The following CADM1 variants were observed in gnomAD, a reference collection of about 807,000 sequenced individuals.
CADM1 encodes cell adhesion molecule 1.
Under a neutral mutation model 53.1 loss-of-function variants are expected in CADM1, and 15 were observed. The ratio of observed to expected loss-of-function variants is 0.28; its 90% CI spans 0.19 to 0.44. The LOEUF (loss-of-function observed/expected upper bound fraction) is 0.44, where lower values mean the gene tolerates loss of function less well. Among genes scored for constraint, CADM1 ranks in the 20% least tolerant of loss-of-function variants. The probability of loss-of-function intolerance (pLI) is 1.00; values close to 1 mark genes in which losing one functional copy is unlikely to be tolerated. For synonymous variants in CADM1, 281 were observed against 243.0 expected (o/e 1.16, Z -1.45); for missense variants, 434 against 611.3 (o/e 0.71, Z 3.06).
chr11:115,279,996 C>G (rs1943545342), intron 1 of CADM1, among the ~76,000 whole-genome samples: 1 of 152,192 alleles, frequency 6.6e-6, no homozygotes, highest in Non-Finnish European at 1.5e-5. Flanking sequence ...CATCAAAGGA[C>G]AGCAGACTTG....
chr11:115,259,290 CTTTTTTTTTTTTTTTTTT>C (rs71066411), intron 1 of CADM1, among the ~76,000 whole-genome samples: 3 of 55,056 alleles, frequency 5.4e-5, no homozygotes, highest in Non-Finnish European at 9.6e-5. Context: ...CCAGTCTTAA[CTTTTTTTTTTTTTTTTTT>C]TTTTTTTTTT....
At chr11:115,276,426 C>A (rs1024550390) in intron 1 of CADM1, among the ~76,000 whole-genome samples, 8 of 152,148 alleles carry the variant, frequency 5.3e-5, no homozygotes, top group African/African-American at 1.9e-4. Context: ...GCATGCCACT[C>A]ACAAATCTCT....
chr11:115,454,090 G>A (rs1054858546), intron 1 of CADM1, among the ~76,000 whole-genome samples: 1 of 151,496 alleles, frequency 6.6e-6, no homozygotes, highest in African/African-American at 2.4e-5. Flanking sequence ...ACAAAGCCTT[G>A]CCTCTTCATG....
chr11:115,331,157 T>TA (rs1219784152), intron 1 of CADM1, among the ~76,000 whole-genome samples: 1 of 152,094 alleles, frequency 6.6e-6, no homozygotes, highest in African/African-American at 2.4e-5. Flanking sequence ...GGGGATTTGG[T>TA]TTTTTTGAGA....
intron 8 of CADM1, among the ~76,000 whole-genome samples, chr11:115,199,117 A>AAC (rs1940300496): frequency 6.6e-6 from 1 of 152,038 alleles, no homozygotes; most frequent in South Asian, 2.1e-4. Flanking sequence ...CACACACACA[A>AAC]ACACACACAT....
At chr11:115,400,657 GTGTGTATATATATATATATATATATATA>G (rs71066422) in intron 1 of CADM1, among the ~76,000 whole-genome samples, 2,240 of 82,268 alleles carry the variant, frequency 0.027, 37 homozygotes, top group Non-Finnish European at 0.034. Context: ...GTGTGTGTGT[GTGTGTATATATATATATATATATATATA>G]TATATATATA....
chr11:115,402,073 A>G (rs192420310), intron 1 of CADM1, among the ~76,000 whole-genome samples: 5 of 151,172 alleles, frequency 3.3e-5, no homozygotes, highest in Admixed American at 2.6e-4. Flanking sequence ...CAGAAATAAT[A>G]AAAAATAACT....
intron 1 of CADM1, among the ~76,000 whole-genome samples, chr11:115,265,622 A>G (rs1464104992): frequency 6.6e-6 from 1 of 152,224 alleles, no homozygotes; most frequent in Non-Finnish European, 1.5e-5. Flanking sequence ...TGTTGTAAAC[A>G]CAAACACTAC....
At chr11:115,344,625 C>T (rs1945530308) in intron 1 of CADM1, among the ~76,000 whole-genome samples, 1 of 152,104 alleles carries the variant, frequency 6.6e-6, no homozygotes. Context: ...GGAGCCACTG[C>T]CATTGACTGG....
At chr11:115,200,682 A>T (rs1940383348) in intron 8 of CADM1, among the ~76,000 whole-genome samples, 1 of 152,148 alleles carries the variant, frequency 6.6e-6, no homozygotes, top group Non-Finnish European at 1.5e-5. Context: ...TTTAGTGGAG[A>T]CGGGGCTTCC....
At chr11:115,423,911 C>T (rs2135276755) in intron 1 of CADM1, among the ~76,000 whole-genome samples, 1 of 152,316 alleles carries the variant, frequency 6.6e-6, no homozygotes, top group African/African-American at 2.4e-5. Context: ...TGCAAATCTT[C>T]AGGTTGCCAC....
At chr11:115,185,800 A>G (rs992615174) in intron 10 of CADM1, among the ~76,000 whole-genome samples, 7 of 152,222 alleles carry the variant, frequency 4.6e-5, no homozygotes, top group Non-Finnish European at 8.8e-5. Context: ...CCTGATAAAC[A>G]GGACAGTTGT....
intron 1 of CADM1, among the ~76,000 whole-genome samples, chr11:115,246,106 T>G (rs1942399705): frequency 6.6e-6 from 1 of 152,216 alleles, no homozygotes; most frequent in South Asian, 2.1e-4. Flanking sequence ...GCCCATCAAC[T>G]GTAGATTTAA....
At chr11:115,322,985 A>T (rs1435705519) in intron 1 of CADM1, among the ~76,000 whole-genome samples, 1 of 152,152 alleles carries the variant, frequency 6.6e-6, no homozygotes, top group Non-Finnish European at 1.5e-5. Flanking sequence ...TGGTAACTCT[A>T]TGCTTGACAC....
chr11:115,501,171 T>G (rs538886558), intron 1 of CADM1, among the ~76,000 whole-genome samples: 1 of 152,314 alleles, frequency 6.6e-6, no homozygotes, highest in South Asian at 2.1e-4. Flanking sequence ...AGTCACTAAA[T>G]GAAGCCTTGT....
intron 1 of CADM1, among the ~76,000 whole-genome samples, chr11:115,254,583 CACACACACACAG>C (rs1201568635): frequency 2.0e-5 from 3 of 149,772 alleles, no homozygotes; most frequent in Non-Finnish European, 4.4e-5. Context: ...CACACACACA[CACACACACACAG>C]AGACAACAAA....
At chr11:115,264,084 C>T (rs528501795) in intron 1 of CADM1, among the ~76,000 whole-genome samples, 7 of 152,230 alleles carry the variant, frequency 4.6e-5, no homozygotes, top group Non-Finnish European at 8.8e-5. Flanking sequence ...GCCTCCACCC[C>T]GTATGTTTAA....
chr11:115,342,425 A>G (rs551017684), intron 1 of CADM1, among the ~76,000 whole-genome samples: 3 of 152,298 alleles, frequency 2.0e-5, no homozygotes, highest in Non-Finnish European at 4.4e-5. Flanking sequence ...AGGAAGATAA[A>G]GAGATTCTAC....
chr11:115,395,032 C>T (rs111453196), intron 1 of CADM1, among the ~76,000 whole-genome samples: 5 of 152,102 alleles, frequency 3.3e-5, no homozygotes, highest in Non-Finnish European at 7.4e-5. Context: ...ATCAAATACA[C>T]GTGTGATATT....
Sources: gnomAD v4.1 joint callset for allele counts (sites outside exome capture counted in the v4.1 genomes callset) on GRCh38, gnomAD v4.1.1 for gene constraint, MANE v1.5 for transcripts, NCBI Gene and HGNC (gene_info 2026-07-23, HGNC 2026-07-21) for gene names.